Variants in DLG2 observed in about 807,000 individuals in gnomAD.
DLG2 encodes the protein disks large homolog 2.
A neutral mutation model predicts 132.5 loss-of-function variants in DLG2; 45 were observed. The observed-to-expected ratio is 0.34, with a 90% CI of 0.27 to 0.44. DLG2 has a LOEUF of 0.44. Ranked by LOEUF, DLG2 falls within the 20% of genes least tolerant of loss-of-function variation. The pLI is 1.00. For synonymous variants in DLG2, 424 were observed against 419.6 expected (o/e 1.01, Z -0.13); for missense variants, 1,045 against 1,196.9 (o/e 0.87, Z 1.87).
intron 6 of DLG2, among the ~76,000 whole-genome samples, chr11:84,634,345 T>A (rs2099637076): frequency 6.6e-6 from 1 of 152,190 alleles, no homozygotes; most frequent in African/African-American, 2.4e-5. Flanking sequence ...TAAAATTAAG[T>A]TTAGCCTAAA....
At chr11:84,905,950 T>C (rs1195872771) in intron 6 of DLG2, among the ~76,000 whole-genome samples, 1 of 152,182 alleles carries the variant, frequency 6.6e-6, no homozygotes, top group Non-Finnish European at 1.5e-5. Context: ...GTCTAAAGTA[T>C]AAGCAAATCA....
chr11:84,914,502 G>C (rs2092330098), intron 6 of DLG2, among the ~76,000 whole-genome samples: 1 of 152,188 alleles, frequency 6.6e-6, no homozygotes, highest in African/African-American at 2.4e-5. Context: ...AGTCTTCTAA[G>C]TATAAGCACC....
intron 7 of DLG2, among the ~76,000 whole-genome samples, chr11:84,365,426 C>T (rs199510716): frequency 1.9e-4 from 29 of 151,638 alleles, no homozygotes; most frequent in East Asian, 5.8e-4. Flanking sequence ...GTCTTGCTAG[C>T]GGTCTATCAA....
chr11:84,095,815 A>C lies in DLG2; in HGVS notation c.749+3108T>G, dbSNP rs556023964. 4.1e-4 allele frequency among the ~76,000 whole-genome samples: 63 copies of C among 152,250 alleles called. No individual in the cohort carries two copies. The South Asian group carries it at 7.5e-3, about 18-fold the overall frequency. On this transcript the variant is annotated intron_variant, in intron 10 of 27. Coordinates refer to ENST00000376104, the MANE Select transcript of DLG2 (RefSeq NM_001142699.3). ...TGTAATGTGGATTGGGGAGAAGGTG[A>C]ATTTTGCTGCTCTAGTTAGAAGCAC...
chr11:84,131,542 G>A (rs917909444), intron 9 of DLG2, among the ~76,000 whole-genome samples: 4 of 151,842 alleles, frequency 2.6e-5, no homozygotes, highest in Non-Finnish European at 4.4e-5. Context: ...TTTGTCTAGT[G>A]TTTACTCTCA....
intron 3 of DLG2, among the ~76,000 whole-genome samples, chr11:85,334,778 G>A (rs2082012958): frequency 1.3e-5 from 2 of 152,056 alleles, no homozygotes; most frequent in African/African-American, 4.8e-5. Flanking sequence ...ATTTCACTGT[G>A]GTCTGAGAGT....
At position 85,561,353 on chromosome 11, in the gene DLG2, AAAAAAAAAAAAAAAAT is replaced by A. The variant is rs1217869164; in HGVS notation, c.40+37288_40+37303del. On this transcript the variant is annotated intron_variant, in intron 3 of 27. Transcript: ENST00000376104. ...TCTCAAAAAAAAAAAAAAAAAAAAA[AAAAAAAAAAAAAAAAT>A]AGCTGTGTAAACTTTCATTTTTCTT... Among the ~76,000 whole-genome samples, 678 of 146,068 alleles carry A rather than the reference AAAAAAAAAAAAAAAAT, an allele frequency of 4.6e-3. 8 individuals are homozygous for A. Among genetic ancestry groups the A allele is most frequent in the African/African-American group, 0.016 (634 of 39,184 alleles).
chr11:84,407,656 T>C (rs953492773), intron 7 of DLG2, among the ~76,000 whole-genome samples: 12 of 152,208 alleles, frequency 7.9e-5, no homozygotes, highest in African/African-American at 2.9e-4. Context: ...ATTTGTCCAG[T>C]TGACTTTAAC....
At chr11:83,731,854 A>C (rs2091069724) in intron 18 of DLG2, among the ~76,000 whole-genome samples, 1 of 152,164 alleles carries the variant, frequency 6.6e-6, no homozygotes, top group Non-Finnish European at 1.5e-5. Context: ...CAGTTTTCTT[A>C]TCTGTTAAAT....
intron 8 of DLG2, among the ~76,000 whole-genome samples, chr11:84,220,679 T>C (rs1165557186): frequency 6.6e-6 from 1 of 151,836 alleles, no homozygotes; most frequent in Non-Finnish European, 1.5e-5. Context: ...AAATTACAGC[T>C]ACCAAATGAG....
At chr11:84,515,279 A>G (rs897177736) in intron 7 of DLG2, among the ~76,000 whole-genome samples, 7 of 4,556 alleles carry the variant, frequency 1.5e-3, no homozygotes, top group Non-Finnish European at 4.8e-3. Context: ...ACTTAAATAC[A>G]CACACACACA....
intron 17 of DLG2, among the ~76,000 whole-genome samples, chr11:83,788,314 T>A (rs1333992666): frequency 6.6e-6 from 1 of 152,176 alleles, no homozygotes; most frequent in Non-Finnish European, 1.5e-5. Flanking sequence ...GTAATTTTCC[T>A]TGCCTCATCC....
chr11:85,324,924 G>C (rs949743011), intron 3 of DLG2, among the ~76,000 whole-genome samples: 1 of 146,684 alleles, frequency 6.8e-6, no homozygotes, highest in Non-Finnish European at 1.5e-5. Flanking sequence ...CGCACCGTGC[G>C]CGAGCCGAAG....
chr11:84,639,644 T>A (rs2099651300), intron 6 of DLG2, among the ~76,000 whole-genome samples: 1 of 152,206 alleles, frequency 6.6e-6, no homozygotes, highest in Non-Finnish European at 1.5e-5. Context: ...TGCTACTTGG[T>A]ACTACCTCTG....
rs758113511 is a variant in DLG2, at chr11:84,116,470, G to A, written c.625-17423C>T. 9.8e-5 allele frequency among the ~76,000 whole-genome samples: 15 copies of A among 152,286 alleles called. No homozygotes were observed. In the Middle Eastern group the frequency reaches 0.01, roughly 104 times the overall value. On this transcript the variant is annotated intron_variant, in intron 9 of 27. Coordinates refer to ENST00000376104, the MANE Select transcript of DLG2 (RefSeq NM_001142699.3). ...GCTGGGGAGGTCTCACGATCATGGT[G>A]GAAGGTGAAGGTCTTACATGGTGGC... is the stretch of plus-strand genomic sequence containing the variant.
intron 6 of DLG2, among the ~76,000 whole-genome samples, chr11:85,058,319 C>T (rs4271408): frequency 0.39 from 58,172 of 150,984 alleles, 11,362 homozygotes; most frequent in South Asian, 0.57. Flanking sequence ...CACCTCTGAA[C>T]GAGTAAATGT....
intron 19 of DLG2, among the ~76,000 whole-genome samples, chr11:83,627,280 A>C (rs1262197947): frequency 6.6e-6 from 1 of 151,970 alleles, no homozygotes; most frequent in Non-Finnish European, 1.5e-5. Context: ...ATATGTATAC[A>C]TGTGCCATGT....
At chr11:84,174,994 G>A (rs1233345671) in intron 8 of DLG2, among the ~76,000 whole-genome samples, 3 of 152,026 alleles carry the variant, frequency 2.0e-5, no homozygotes, top group Non-Finnish European at 4.4e-5. Flanking sequence ...TTTTTTCAAG[G>A]TTATGCTTTC....
chr11:84,761,741 T>C (rs958476958), intron 6 of DLG2, among the ~76,000 whole-genome samples: 1 of 152,182 alleles, frequency 6.6e-6, no homozygotes, highest in Non-Finnish European at 1.5e-5. Flanking sequence ...TTGGCTTCCC[T>C]ACTTTTGAGG....
Sources: allele counts gnomAD v4.1 joint callset (sites outside exome capture counted in the v4.1 genomes callset), GRCh38; gene constraint gnomAD v4.1.1; transcripts MANE v1.5; gene names NCBI Gene and HGNC (gene_info 2026-07-23, HGNC 2026-07-21).